The following UQCRFS1 variants were observed in gnomAD, a reference collection of about 807,000 sequenced individuals.
UQCRFS1 encodes ubiquinol-cytochrome c reductase, Rieske iron-sulfur polypeptide 1.
UQCRFS1 carries 6 observed loss-of-function variants against 15.6 expected under a neutral mutation model. The ratio of observed to expected loss-of-function variants is 0.38; its 90% CI spans 0.21 to 0.76. The LOEUF (loss-of-function observed/expected upper bound fraction) is 0.76. Among genes scored for constraint, UQCRFS1 ranks in the 30% least tolerant of loss-of-function variants. The probability of loss-of-function intolerance (pLI) is 0.44; values close to 1 mark genes in which losing one functional copy is unlikely to be tolerated. For missense variants in UQCRFS1, 203 were observed against 366.7 expected (o/e 0.55, Z 3.65); for synonymous variants, 105 against 154.3 (o/e 0.68, Z 2.37).
rs1976599610 is a variant in UQCRFS1, at chr19:29,206,925, A to C, written c.*623T>G. ...ATTTACACTCATAAGGGACTAATAA[A>C]ATTTCCTGGCCTGTCACTTAAGGAG... On this transcript the variant is annotated 3_prime_UTR_variant, in exon 2 of 2. Coordinates refer to ENST00000304863, the MANE Select transcript of UQCRFS1 (RefSeq NM_006003.3). 6.6e-6 allele frequency: 1 copy of C among 152,380 alleles called. No individual in the cohort carries two copies. The highest frequency in any genetic ancestry group is 2.1e-4 in the South Asian group (1 of 4,832). 9.4% of individuals were successfully genotyped at this position (152,380 alleles called of 1,614,324 possible). A position where few individuals can be genotyped will look rare whatever the true frequency, so the allele number is the denominator to read the frequency against.
intron 1 of UQCRFS1, among the ~76,000 whole-genome samples, chr19:29,209,315 C>A (rs934202135): frequency 3.9e-5 from 6 of 152,088 alleles, no homozygotes; most frequent in African/African-American, 1.4e-4. Flanking sequence ...AAATGTGTAT[C>A]CAAAATAAAG....
At position 29,207,432 on chromosome 19, in the gene UQCRFS1, C is replaced by A. The variant is rs1976604777; in HGVS notation, c.*116G>T. 5.8e-6 allele frequency: 7 copies of A among 1,198,444 alleles called. No individual in the cohort carries two copies. The highest frequency in any genetic ancestry group is 8.0e-6 in the Non-Finnish European group (7 of 870,650). The allele number at this position is 1,198,444 out of a possible 1,614,324, so 74.2% of individuals were successfully genotyped here. A position where few individuals can be genotyped will look rare whatever the true frequency, so the allele number is the denominator to read the frequency against. On this transcript the variant is annotated 3_prime_UTR_variant, in exon 2 of 2. Coordinates refer to ENST00000304863, the MANE Select transcript of UQCRFS1 (RefSeq NM_006003.3). ...TATTTCACATTAATGTTTGCAAATA[C>A]ATCATCAATTCTTACATATTTCAAA... is the stretch of plus-strand genomic sequence containing the variant.
intron 1 of UQCRFS1, among the ~76,000 whole-genome samples, chr19:29,210,779 T>C (rs1976638484): frequency 6.6e-6 from 1 of 152,174 alleles, no homozygotes; most frequent in Non-Finnish European, 1.5e-5. Flanking sequence ...TTTGGATTGG[T>C]TCCAAGTCTT....
Position 29,207,559 on chromosome 19 carries a change from T to C in UQCRFS1, c.814A>G (p.Ile272Val), listed in dbSNP as rs201045328. ...TYEFTSDDMV[I>V]VG ...TGAGTCCAAGTCTCTTAACCAACAATCACCATATCGTCACTGGTGAACTCA... is the reference window on the plus strand; with the variant it reads ...TGAGTCCAAGTCTCTTAACCAACAACCACCATATCGTCACTGGTGAACTCA... Residue 272 changes from isoleucine to valine, a missense_variant, in exon 2 of 2, where the codon ATT becomes GTT. By Grantham distance (29) the Ile-to-Val change is conservative (BLOSUM62 3). Around this residue, in one of 3 missense-constraint regions of UQCRFS1, gnomAD observed 91 missense variants for 186.9 expected, o/e 0.49. Coordinates refer to ENST00000304863, the MANE Select transcript of UQCRFS1 (RefSeq NM_006003.3). 7 of 1,605,472 alleles carry C rather than the reference T, an allele frequency of 4.4e-6. No individual in the cohort carries two copies. Among genetic ancestry groups the C allele is most frequent in the South Asian group, 2.2e-5 (2 of 90,492 alleles).
intron 1 of UQCRFS1, among the ~76,000 whole-genome samples, chr19:29,210,752 T>G (rs1180533186): frequency 6.6e-6 from 1 of 152,172 alleles, no homozygotes; most frequent in African/African-American, 2.4e-5. Context: ...CTTAATCCGG[T>G]CTATCATTGT....
chr19:29,210,525 A>C (rs1976635455), intron 1 of UQCRFS1, among the ~76,000 whole-genome samples: 1 of 87,276 alleles, frequency 1.1e-5, no homozygotes, highest in African/African-American at 4.6e-5. Flanking sequence ...CCCACCCCAC[A>C]ACAGTCCCCA....
At position 29,206,091 on chromosome 19, in the gene UQCRFS1, T is replaced by A. The variant is rs991302195; in HGVS notation, c.*1457A>T. 6.6e-5 allele frequency: 10 copies of A among 152,128 alleles called. No homozygotes were observed. The highest frequency in any genetic ancestry group is 2.4e-4 in the African/African-American group (10 of 41,422). The allele number at this position is 152,128 out of a possible 1,614,324, so 9.4% of individuals were successfully genotyped here. On this transcript the variant is annotated 3_prime_UTR_variant, in exon 2 of 2. Coordinates refer to ENST00000304863, the MANE Select transcript of UQCRFS1 (RefSeq NM_006003.3). Reference sequence around the variant, plus strand: ...AGGTTTTTTAGTGTGTGGACCTGTGTTCCCCTCACAACTCAATGTTTCACA... The same window carrying A: ...AGGTTTTTTAGTGTGTGGACCTGTGATCCCCTCACAACTCAATGTTTCACA...
chr19:29,208,002 C>T lies in UQCRFS1; in HGVS notation c.371G>A (p.Gly124Asp). 1.9e-6 allele frequency: 3 copies of T among 1,614,022 alleles called. No individual in the cohort carries two copies. The highest frequency in any genetic ancestry group is 2.5e-6 in the Non-Finnish European group (3 of 1,179,880). ...SYLVTGVTTVGVAYAAKNAVT... is the reference protein window; with the variant it reads ...SYLVTGVTTVDVAYAAKNAVT... ...GGCATTCTTGGCAGCATATGCGACACCCACAGTAGTTACTCCAGTTACCAA... is the reference window on the plus strand; with the variant it reads ...GGCATTCTTGGCAGCATATGCGACATCCACAGTAGTTACTCCAGTTACCAA... The change falls in exon 2 of 2, where the codon GGT becomes GAT. Residue 124 changes from glycine (G) to aspartate (D), a missense_variant. Around this residue, in one of 3 missense-constraint regions of UQCRFS1, gnomAD observed 92 missense variants for 120.5 expected, o/e 0.76. Coordinates refer to ENST00000304863, the MANE Select transcript of UQCRFS1 (RefSeq NM_006003.3).
At position 29,206,092 on chromosome 19, in the gene UQCRFS1, T is replaced by G. The variant is rs527563620; in HGVS notation, c.*1456A>C. ...GGTTTTTTAGTGTGTGGACCTGTGT[T>G]CCCCTCACAACTCAATGTTTCACAT... On this transcript the variant is annotated 3_prime_UTR_variant, in exon 2 of 2. Transcript: ENST00000304863. The G allele has an allele frequency of 1.3e-5, 2 of 152,200 alleles. No homozygotes were observed. Among genetic ancestry groups the G allele is most frequent in the East Asian group, 3.9e-4 (2 of 5,162 alleles). 9.4% of individuals were successfully genotyped at this position (152,200 alleles called of 1,614,324 possible).
chr19:29,207,489 A>G lies in UQCRFS1; in HGVS notation c.*59T>C. 2.7e-6 allele frequency: 4 copies of G among 1,501,354 alleles called. No homozygotes were observed. Among genetic ancestry groups the G allele is most frequent in the East Asian group, 2.3e-5 (1 of 43,778 alleles). The allele number at this position is 1,501,354 out of a possible 1,614,324, so 93.0% of individuals were successfully genotyped here. On this transcript the variant is annotated 3_prime_UTR_variant, in exon 2 of 2. Transcript: ENST00000304863. ...TCAAGTACAGAAGGCTTCCTCTCAA[A>G]TAAGTCTCCTGAGGTGACATAAAGA...
In UQCRFS1 at chr19:29,205,563, CTTT is replaced by C. The variant is rs1185659801; in HGVS notation, c.*1982_*1984del. ...TTTCAAAAAGGCCATTTTTATAACACTTTTTAAAGCATAATGAAAACACTTGGC... is the reference window on the plus strand; with the variant it reads ...TTTCAAAAAGGCCATTTTTATAACACTTAAAGCATAATGAAAACACTTGGC... On this transcript the variant is annotated 3_prime_UTR_variant, in exon 2 of 2. Coordinates refer to ENST00000304863, the MANE Select transcript of UQCRFS1 (RefSeq NM_006003.3). 2 of 152,150 alleles carry C rather than the reference CTTT, an allele frequency of 1.3e-5. No individual in the cohort carries two copies. Among genetic ancestry groups the C allele is most frequent in the Non-Finnish European group, 2.9e-5 (2 of 68,008 alleles). 9.4% of individuals were successfully genotyped at this position (152,150 alleles called of 1,614,324 possible). A position where few individuals can be genotyped will look rare whatever the true frequency, so the allele number is the denominator to read the frequency against.
intron 1 of UQCRFS1, among the ~76,000 whole-genome samples, chr19:29,211,067 T>C (rs1336037118): frequency 1.3e-5 from 2 of 152,070 alleles, no homozygotes; most frequent in African/African-American, 4.8e-5. Flanking sequence ...TGGTGTGAGA[T>C]GGTATCTCAT....
chr19:29,212,385 T>TG (rs2145208635), intron 1 of UQCRFS1, among the ~76,000 whole-genome samples: 1 of 32,700 alleles, frequency 3.1e-5, no homozygotes, highest in East Asian at 7.8e-4. Flanking sequence ...GTTTTTTTTG[T>TG]TTTTTTTTTG....
rs1328327778 is a variant in UQCRFS1, at chr19:29,206,039, G to C, written c.*1509C>G. The C allele has an allele frequency of 6.6e-6, 1 of 152,034 alleles. No homozygotes were observed. Among genetic ancestry groups the C allele is most frequent in the Non-Finnish European group, 1.5e-5 (1 of 68,028 alleles). The allele number at this position is 152,034 out of a possible 1,614,324, so 9.4% of individuals were successfully genotyped here. A position where few individuals can be genotyped will look rare whatever the true frequency, so the allele number is the denominator to read the frequency against. On this transcript the variant is annotated 3_prime_UTR_variant, in exon 2 of 2. Transcript: ENST00000304863. Reference sequence around the variant, plus strand: ...TTATCAGTATTTCTCTATAGGGAGGGGGTGCTGTTGACATTTTTGGCAGCA... The same window carrying C: ...TTATCAGTATTTCTCTATAGGGAGGCGGTGCTGTTGACATTTTTGGCAGCA...
chr19:29,208,621 C>T (rs904671634), intron 1 of UQCRFS1, among the ~76,000 whole-genome samples: 2 of 152,198 alleles, frequency 1.3e-5, no homozygotes, highest in Non-Finnish European at 2.9e-5. Flanking sequence ...AGTAAGTTGA[C>T]GTGTGATCAC....
chr19:29,208,920 A>T (rs985324259), intron 1 of UQCRFS1, among the ~76,000 whole-genome samples: 1 of 152,194 alleles, frequency 6.6e-6, no homozygotes, highest in Non-Finnish European at 1.5e-5. Context: ...CAAAATTTTC[A>T]TATCTCCCCC....
intron 1 of UQCRFS1, among the ~76,000 whole-genome samples, chr19:29,210,537 A>G (rs1213455179): frequency 8.7e-6 from 1 of 114,298 alleles, no homozygotes; most frequent in African/African-American, 3.4e-5. Flanking sequence ...CAGTCCCCAG[A>G]GTGTGATGTT....
chr19:29,207,822 A>G lies in UQCRFS1; in HGVS notation c.551T>C (p.Ile184Thr), dbSNP rs1203386183. ...TAATTCAACTGCAGCTTCCTGCTCA[A>G]TTTCCTTCTGGGTTCTATGACGCAC... ...LFVRHRTQKE[I>T]EQEAAVELSQ... Residue 184 changes from isoleucine to threonine, a missense_variant, in exon 2 of 2, where the codon ATT becomes ACT. By Grantham distance (89) the Ile-to-Thr change is moderately conservative. Around this residue, in one of 3 missense-constraint regions of UQCRFS1, gnomAD observed 91 missense variants for 186.9 expected, o/e 0.49. Transcript: ENST00000304863. 1.2e-6 allele frequency: 2 copies of G among 1,613,824 alleles called. No individual in the cohort carries two copies. The highest frequency in any genetic ancestry group is 1.7e-6 in the Non-Finnish European group (2 of 1,179,874).
At chr19:29,212,217 G>A (rs1318697869) in intron 1 of UQCRFS1, among the ~76,000 whole-genome samples, 1 of 152,096 alleles carries the variant, frequency 6.6e-6, no homozygotes, top group African/African-American at 2.4e-5. Flanking sequence ...AATTCGTCTT[G>A]TCAAATCCCT....
Sources: allele counts gnomAD v4.1 joint callset (sites outside exome capture counted in the v4.1 genomes callset), GRCh38; gene constraint gnomAD v4.1.1; regional missense constraint gnomAD v4.1.1; transcripts MANE v1.5; gene names NCBI Gene and HGNC (gene_info 2026-07-23, HGNC 2026-07-21).